The following ASPRV1 variants were observed in gnomAD, a reference collection of about 807,000 sequenced individuals.
ASPRV1 encodes aspartic peptidase retroviral like 1.
A neutral mutation model predicts 11.0 loss-of-function variants in ASPRV1; 7 were observed. That is an observed-to-expected ratio of 0.64 (90% CI 0.36 to 1.20). ASPRV1 has a LOEUF of 1.20. ASPRV1 is among the 50% of genes most tolerant of loss of function. The pLI, the probability that ASPRV1 is intolerant of heterozygous loss-of-function variation, is 0.02. For missense variants in ASPRV1, 299 were observed against 320.0 expected (o/e 0.93, Z 0.50); for synonymous variants, 136 against 138.4 (o/e 0.98, Z 0.12).
chr2:70,067,060 T>C, the ASPRV1 span, among the ~76,000 whole-genome samples: 1 of 152,336 alleles, frequency 6.6e-6, no homozygotes, highest in Middle Eastern at 3.4e-3. Context: ...AATCTATTAT[T>C]CTAAGCATCT....
At chr2:70,084,993 C>A in the ASPRV1 span, among the ~76,000 whole-genome samples, 9 of 152,178 alleles carry the variant, frequency 5.9e-5, no homozygotes, top group Non-Finnish European at 1.5e-5. Context: ...ACAATCAGAG[C>A]CCTGCTCAGG....
At chr2:70,005,028 C>T in the ASPRV1 span, among the ~76,000 whole-genome samples, 1 of 151,960 alleles carries the variant, frequency 6.6e-6, no homozygotes, top group Non-Finnish European at 1.5e-5. Context: ...AAGCCCATGC[C>T]ACCCTCACAC....
chr2:69,935,469 A>C, the ASPRV1 span: 14 of 1,595,802 alleles, frequency 8.8e-6, no homozygotes, highest in Admixed American at 1.7e-5. Flanking sequence ...CATAAAGGTA[A>C]GTGTATTGTT....
At position 69,960,283 on chromosome 2, in the gene ASPRV1, T is replaced by G; in HGVS notation, c.*374A>C. 1 of 204,462 alleles carries G rather than the reference T, an allele frequency of 4.9e-6. No individual in the cohort carries two copies. Among genetic ancestry groups the G allele is most frequent in the Non-Finnish European group, 1.0e-5 (1 of 99,710 alleles). 12.7% of individuals were successfully genotyped at this position (204,462 alleles called of 1,614,324 possible). ...GGACCCAGCCCAACTAAGACAGGCT[T>G]TGAGGACCTGAGAGTGACCAAGCCA... is the stretch of plus-strand genomic sequence containing the variant. On this transcript the variant is annotated 3_prime_UTR_variant, in exon 1 of 1. Transcript: ENST00000320256.
chr2:70,084,682 A>G, the ASPRV1 span, among the ~76,000 whole-genome samples: 1 of 152,348 alleles, frequency 6.6e-6, no homozygotes, highest in East Asian at 1.9e-4. Flanking sequence ...ATGTAGTAAC[A>G]AATATTGTTT....
At chr2:70,082,549 A>T in the ASPRV1 span, among the ~76,000 whole-genome samples, 1 of 152,150 alleles carries the variant, frequency 6.6e-6, no homozygotes, top group African/African-American at 2.4e-5. Context: ...CGTCTCTACT[A>T]AAAATACACA....
At chr2:69,933,331 A>C in the ASPRV1 span, among the ~76,000 whole-genome samples, 1 of 151,962 alleles carries the variant, frequency 6.6e-6, no homozygotes, top group Admixed American at 6.6e-5. Context: ...ATCTATTTTC[A>C]TGGCTCTTTT....
chr2:69,947,081 A>C, the ASPRV1 span, among the ~76,000 whole-genome samples: 1 of 152,246 alleles, frequency 6.6e-6, no homozygotes, highest in Non-Finnish European at 1.5e-5. Flanking sequence ...AGCTCTACCC[A>C]GACGGGGACA....
chr2:70,066,474 G>C, the ASPRV1 span, among the ~76,000 whole-genome samples: 1 of 152,028 alleles, frequency 6.6e-6, no homozygotes, highest in Admixed American at 6.6e-5. Flanking sequence ...CCTGACCTCA[G>C]ATGATCCACC....
the ASPRV1 span, among the ~76,000 whole-genome samples, chr2:70,004,447 T>G: frequency 2.0e-5 from 3 of 150,726 alleles, no homozygotes; most frequent in Non-Finnish European, 4.4e-5. Flanking sequence ...GGGGAATCGC[T>G]TGAACCTAGG....
chr2:69,967,225 A>G, the ASPRV1 span, among the ~76,000 whole-genome samples: 1 of 152,210 alleles, frequency 6.6e-6, no homozygotes, highest in Non-Finnish European at 1.5e-5. Context: ...GAGTTCACAG[A>G]TAAGTAAGAG....
chr2:69,977,051 G>C, the ASPRV1 span, among the ~76,000 whole-genome samples: 1 of 152,102 alleles, frequency 6.6e-6, no homozygotes, highest in Admixed American at 6.6e-5. Flanking sequence ...ACTTGGCCAG[G>C]CATGGTGGCG....
the ASPRV1 span, among the ~76,000 whole-genome samples, chr2:70,032,880 C>T: frequency 1.1e-4 from 16 of 152,254 alleles, no homozygotes; most frequent in African/African-American, 3.9e-4. Flanking sequence ...GGGAAGTTTG[C>T]TGTCCCCCTT....
At chr2:70,027,164 G>T in the ASPRV1 span, among the ~76,000 whole-genome samples, 1 of 151,462 alleles carries the variant, frequency 6.6e-6, no homozygotes, top group African/African-American at 2.4e-5. Flanking sequence ...AGGCTGATGT[G>T]GGAGGACCAC....
the ASPRV1 span, among the ~76,000 whole-genome samples, chr2:69,990,409 C>T: frequency 2.6e-5 from 4 of 152,048 alleles, no homozygotes; most frequent in Admixed American, 6.6e-5. Flanking sequence ...GTCTCGAACT[C>T]CTGACCTCAA....
At chr2:69,940,885 C>T in the ASPRV1 span, 1 of 152,826 alleles carries the variant, frequency 6.5e-6, no homozygotes, top group African/African-American at 2.4e-5. Context: ...CTCCGCGCCC[C>T]GTGCGGCTGA....
chr2:70,063,358 C>A, the ASPRV1 span, among the ~76,000 whole-genome samples: 1 of 152,160 alleles, frequency 6.6e-6, no homozygotes, highest in African/African-American at 2.4e-5. Flanking sequence ...TTTGCTATGC[C>A]TCACTGACAG....
At chr2:69,961,754 G>T (rs1678127493), upstream of ASPRV1, 19 of 1,487,004 alleles carry the variant, frequency 1.3e-5, no homozygotes, top group Non-Finnish European at 1.6e-5. Flanking sequence ...GGCCGGACTA[G>T]CAGGATGGGT....
the ASPRV1 span, among the ~76,000 whole-genome samples, chr2:69,974,015 A>G: frequency 1.3e-5 from 2 of 152,226 alleles, no homozygotes; most frequent in Non-Finnish European, 2.9e-5. Flanking sequence ...ATAGATGTAC[A>G]TAATCTTAAA....
Sources: allele counts gnomAD v4.1 joint callset (sites outside exome capture counted in the v4.1 genomes callset), GRCh38; gene constraint gnomAD v4.1.1; transcripts MANE v1.5; gene names NCBI Gene and HGNC (gene_info 2026-07-23, HGNC 2026-07-21).